LRP1B: variants seen among roughly 807,000 people sequenced by gnomAD.
LRP1B encodes the protein LDL receptor related protein 1B, also known as low-density lipoprotein receptor-related protein 1B.
LRP1B carries 217 observed loss-of-function variants against 556.6 expected under a neutral mutation model. The ratio of observed to expected loss-of-function variants is 0.39; its 90% CI spans 0.35 to 0.44. LRP1B has a LOEUF of 0.44. Ranked by LOEUF, LRP1B falls within the 20% of genes least tolerant of loss-of-function variation. LRP1B has a pLI of 1.00. For synonymous variants in LRP1B, 2,047 were observed against 1,865.8 expected (o/e 1.10, Z -2.50); for missense variants, 5,053 against 5,620.8 (o/e 0.90, Z 3.23).
chr2:141,110,607 G>A (rs1574082899), intron 7 of LRP1B, among the ~76,000 whole-genome samples: 1 of 151,116 alleles, frequency 6.6e-6, no homozygotes, highest in East Asian at 2.0e-4. Flanking sequence ...GGCTTTGTGG[G>A]AAAACAAAGA....
At chr2:140,233,515 T>C (rs564950378) in intron 90 of LRP1B, among the ~76,000 whole-genome samples, 189 bp from the exon 91 acceptor site, 1 of 151,330 alleles carries the variant, frequency 6.6e-6, no homozygotes, top group African/African-American at 2.4e-5. Flanking sequence ...AAGCATGGTA[T>C]TAAATGAAAC....
At chr2:141,643,209 C>A (rs1357754231) in intron 2 of LRP1B, among the ~76,000 whole-genome samples, 1 of 152,094 alleles carries the variant, frequency 6.6e-6, no homozygotes, top group African/African-American at 2.4e-5. Context: ...CAATGGCATG[C>A]CTAGAAGACT....
At chr2:140,457,798 T>C (rs536231435) in intron 60 of LRP1B, 147 bp from the exon 61 acceptor site, 4 of 608,512 alleles carry the variant, frequency 6.6e-6, no homozygotes, top group African/African-American at 3.7e-5. Context: ...CAAAGTTCTT[T>C]ATTACCAGTT....
At chr2:141,995,558 A>G (rs1202586791) in intron 1 of LRP1B, among the ~76,000 whole-genome samples, 2 of 152,002 alleles carry the variant, frequency 1.3e-5, no homozygotes, top group Non-Finnish European at 2.9e-5. Flanking sequence ...TAATTCACAT[A>G]CTCACAGGCT....
At position 140,808,910 on chromosome 2, in the gene LRP1B, T is replaced by C. The variant is rs559281329; in HGVS notation, c.5359+4747A>G. On this transcript the variant is annotated intron_variant, in intron 32 of 90. Coordinates refer to ENST00000389484, the MANE Select transcript of LRP1B (RefSeq NM_018557.3). ...TAGAAAACCTTCGTAGAAAATCCTGTATCCTGTTCTCCACAGAAGGGGCTT... is the reference window on the plus strand; with the variant it reads ...TAGAAAACCTTCGTAGAAAATCCTGCATCCTGTTCTCCACAGAAGGGGCTT... Among the ~76,000 whole-genome samples the C allele has an allele frequency of 7.9e-5, 12 of 152,276 alleles. No individual in the cohort carries two copies. In the East Asian group the frequency reaches 1.9e-3, roughly 24 times the overall value.
chr2:140,785,958 C>A (rs537806723), intron 32 of LRP1B, among the ~76,000 whole-genome samples: 3 of 152,144 alleles, frequency 2.0e-5, no homozygotes, highest in Non-Finnish European at 4.4e-5. Flanking sequence ...CTCAGGAAAG[C>A]TTTACTTCCT....
At chr2:140,808,617 G>T (rs187225111) in intron 32 of LRP1B, among the ~76,000 whole-genome samples, 123 of 152,140 alleles carry the variant, frequency 8.1e-4, no homozygotes, top group African/African-American at 2.9e-3. Context: ...CTGCTTTATG[G>T]TCTGTCTTCC....
chr2:141,757,989 G>A lies in LRP1B; in HGVS notation c.205+52290C>T, dbSNP rs182327427. On this transcript the variant is annotated intron_variant, in intron 2 of 90. Transcript: ENST00000389484. ...AAAATTCAAGAAGATAAATTTTGAG[G>A]TGGACTTAACCTTGTCTAGAACCAG... Among the ~76,000 whole-genome samples the A allele has an allele frequency of 9.9e-5, 15 of 152,270 alleles. No homozygotes were observed. In the East Asian group the frequency reaches 2.9e-3, roughly 29 times the overall value.
intron 1 of LRP1B, among the ~76,000 whole-genome samples, chr2:141,844,883 G>T (rs902586739): frequency 1.3e-5 from 2 of 151,870 alleles, no homozygotes; most frequent in Non-Finnish European, 2.9e-5. Flanking sequence ...GAGATGCTAT[G>T]ATTATATAGA....
At chr2:141,811,471 G>A (rs1262682966) in intron 1 of LRP1B, among the ~76,000 whole-genome samples, 2 of 151,208 alleles carry the variant, frequency 1.3e-5, no homozygotes, top group African/African-American at 2.4e-5. Flanking sequence ...TACACTCAAT[G>A]GTATCCTAGA....
rs369219021 is a variant in LRP1B, at chr2:140,813,799, C to A, written c.5217G>T (p.Ser1739=). 1 of 1,601,952 alleles carries A rather than the reference C, an allele frequency of 6.2e-7. No individual in the cohort carries two copies. Among genetic ancestry groups the A allele is most frequent in the Admixed American group, 1.7e-5 (1 of 58,762 alleles). Residue 1739 remains serine (S), a synonymous_variant, in exon 32 of 91, where the codon TCG becomes TCT. Transcript: ENST00000389484. Reference sequence around the variant, plus strand: ...AAAGCTTGTTTTCCACATAGTCTATCGATAGACCTGTAATTAAATTTTACA... The same window carrying A: ...AAAGCTTGTTTTCCACATAGTCTATAGATAGACCTGTAATTAAATTTTACA... The part of the protein sequence containing the change: ...FQNQKEPVGL[S]IDYVENKLYW...
In LRP1B at chr2:141,059,023, T is replaced by G; in HGVS notation, c.1268A>C (p.Glu423Ala). The G allele has an allele frequency of 6.3e-7, 1 of 1,584,142 alleles. No individual in the cohort carries two copies. Among genetic ancestry groups the G allele is most frequent in the Non-Finnish European group, 8.6e-7 (1 of 1,163,278 alleles). The change falls in exon 9 of 91, where the codon GAA becomes GCA. Residue 423 changes from glutamate to alanine, a missense_variant. Coordinates refer to ENST00000389484, the MANE Select transcript of LRP1B (RefSeq NM_018557.3). ...AGAATTGGTTGCATACAAATAATCT[T>G]CAAACACAGTTATACCATAAAGATG... ...VRHLYGITVF[E>A]DYLYATNSDN...
chr2:141,221,651 C>T (rs1240546925), intron 6 of LRP1B, among the ~76,000 whole-genome samples: 1 of 152,120 alleles, frequency 6.6e-6, no homozygotes, highest in East Asian at 1.9e-4. Flanking sequence ...ATGGCACTTG[C>T]TCTAAAATGG....
chr2:141,658,872 C>T (rs1050653356), intron 2 of LRP1B, among the ~76,000 whole-genome samples: 2 of 152,068 alleles, frequency 1.3e-5, no homozygotes, highest in African/African-American at 2.4e-5. Context: ...TAAGGCATCA[C>T]TACATGGGTC....
intron 7 of LRP1B, among the ~76,000 whole-genome samples, chr2:141,142,735 A>T (rs998926371): frequency 2.2e-4 from 33 of 152,104 alleles, no homozygotes; most frequent in Admixed American, 2.2e-3. Flanking sequence ...TAATCATAAT[A>T]GGAATGTGCT....
At chr2:140,863,086 C>G (rs1573816211) in intron 27 of LRP1B, among the ~76,000 whole-genome samples, 1 of 152,118 alleles carries the variant, frequency 6.6e-6, no homozygotes, top group Non-Finnish European at 1.5e-5. Context: ...GGTTGTGGAA[C>G]TTCTTGGCCT....
At chr2:142,068,612 C>A (rs1382021981) in intron 1 of LRP1B, among the ~76,000 whole-genome samples, 2 of 151,348 alleles carry the variant, frequency 1.3e-5, no homozygotes, top group South Asian at 2.1e-4. Context: ...TAATTTAACT[C>A]CCTTCTTTGC....
At chr2:140,348,104 A>G (rs1026350876) in intron 77 of LRP1B, among the ~76,000 whole-genome samples, 1 of 152,022 alleles carries the variant, frequency 6.6e-6, no homozygotes, top group Non-Finnish European at 1.5e-5. Flanking sequence ...TTTAAAATAT[A>G]TTATCTCAAA....
At chr2:140,682,699 C>T (rs1441462) in intron 41 of LRP1B, among the ~76,000 whole-genome samples, 135,144 of 150,716 alleles carry the variant, frequency 0.9, 60,507 homozygotes, top group Middle Eastern at 0.96. Context: ...TGTGTGTGTG[C>T]GTGCACCTTG....
Sources: gnomAD v4.1 joint callset for allele counts (sites outside exome capture counted in the v4.1 genomes callset) on GRCh38, gnomAD v4.1.1 for gene constraint, MANE v1.5 for transcripts, NCBI Gene and HGNC (gene_info 2026-07-23, HGNC 2026-07-21) for gene names.